The following GAD1 variants were observed in gnomAD, a reference collection of about 807,000 sequenced individuals.
GAD1 encodes the protein glutamate decarboxylase 1.
In GAD1, 35 loss-of-function variants were observed where a neutral mutation model predicts 75.2. The ratio of observed to expected loss-of-function variants is 0.47; its 90% CI spans 0.36 to 0.62. GAD1 has a LOEUF of 0.62. Ranked by LOEUF, GAD1 falls within the 20% of genes least tolerant of loss-of-function variation. The probability of loss-of-function intolerance (pLI) is 0.00; values close to 1 mark genes in which losing one functional copy is unlikely to be tolerated. For synonymous variants in GAD1, 257 were observed against 271.9 expected (o/e 0.95, Z 0.54); for missense variants, 490 against 758.5 (o/e 0.65, Z 4.16).
intron 12 of GAD1, chr2:170,852,390 A>G: frequency 2.6e-6 from 1 of 391,714 alleles, no homozygotes; most frequent in South Asian, 2.4e-5. Flanking sequence ...TAGGACTCAG[A>G]CTTAAACAGT....
chr2:170,847,672 G>GT lies in GAD1; in HGVS notation c.1003-3dup. The stretch of plus-strand genomic sequence containing the variant: ...CATCAGCCTATATCTGTCTTACCTT[G>GT]TAGGGATATGTTCCCTTTTATGTCA... On this transcript the variant is annotated splice_region_variant and splice_polypyrimidine_tract_variant and intron_variant, in intron 10 of 16. Transcript: ENST00000358196. The GT allele has an allele frequency of 6.3e-7, 1 of 1,590,832 alleles. No individual in the cohort carries two copies. Among genetic ancestry groups the GT allele is most frequent in the Non-Finnish European group, 8.6e-7 (1 of 1,158,702 alleles).
Position 170,830,893 on chromosome 2 carries a change from C to A in GAD1, c.305-57C>A, listed in dbSNP as rs45624739. On this transcript the variant is annotated intron_variant, in intron 4 of 16. Coordinates refer to ENST00000358196, the MANE Select transcript of GAD1 (RefSeq NM_000817.3). ...ATGGTTAATATTAGGGGTCTCTGGGCTGAAGAAATCTAGATATGAGTCAGG... is the reference window on the plus strand; with the variant it reads ...ATGGTTAATATTAGGGGTCTCTGGGATGAAGAAATCTAGATATGAGTCAGG... The A allele has an allele frequency of 3.6e-5, 58 of 1,611,626 alleles. 1 individual carries two copies. The South Asian group carries it at 5.8e-4, about 16-fold the overall frequency.
intron 10 of GAD1, 118 bp from the exon 11 acceptor site, chr2:170,847,558 A>G (rs1702659836): frequency 2.6e-6 from 2 of 784,090 alleles, no homozygotes; most frequent in Admixed American, 3.4e-5. Context: ...ATCTGGTAAT[A>G]CATAAGTTTT....
chr2:170,849,201 T>G, intron 11 of GAD1, 85 bp from the exon 12 acceptor site: 1 of 1,165,172 alleles, frequency 8.6e-7, no homozygotes, highest in Non-Finnish European at 1.3e-6. Context: ...TTCTTGCTCA[T>G]GTTTTAGTAG....
intron 3 of GAD1, among the ~76,000 whole-genome samples, chr2:170,828,074 CTCTGCTGTCCTCACCCCTCCTCCT>C (rs1462270959): frequency 3.3e-4 from 10 of 30,482 alleles, no homozygotes; most frequent in Non-Finnish European, 6.2e-4. Flanking sequence ...GCTGTCCTCC[CTCTGCTGTCCTCACCCCTCCTCCT>C]TCTGCTGTCC....
At chr2:170,841,266 C>T (rs954709189) in intron 6 of GAD1, among the ~76,000 whole-genome samples, 1 of 152,168 alleles carries the variant, frequency 6.6e-6, no homozygotes, top group African/African-American at 2.4e-5. Context: ...TTTAGGAAAA[C>T]AGTACCCAAC....
At chr2:170,859,506 A>C (rs1394770170) in intron 16 of GAD1, among the ~76,000 whole-genome samples, 1 of 152,176 alleles carries the variant, frequency 6.6e-6, no homozygotes, top group African/African-American at 2.4e-5. Context: ...GACTTTCAAA[A>C]TTCGGTTGCA....
At chr2:170,857,585 G>GA (rs1174425161) in intron 15 of GAD1, among the ~76,000 whole-genome samples, 4 of 151,926 alleles carry the variant, frequency 2.6e-5, no homozygotes, top group Non-Finnish European at 5.9e-5. Flanking sequence ...GTCTCTATAA[G>GA]AAAAAATATA....
chr2:170,834,000 C>CAAA (rs780406848), intron 5 of GAD1, among the ~76,000 whole-genome samples: 1 of 137,584 alleles, frequency 7.3e-6, no homozygotes, highest in African/African-American at 2.7e-5. Context: ...GACCCTGTTT[C>CAAA]AAAAAAAAAA....
rs575631860 is a variant in GAD1, at chr2:170,831,857, A to T, written c.547+665A>T. On this transcript the variant is annotated intron_variant, in intron 5 of 16. Coordinates refer to ENST00000358196, the MANE Select transcript of GAD1 (RefSeq NM_000817.3). ...AAATGAGCTGGGCATGGTGGCGTGC[A>T]CCTGTAGTCCCAGCTACTCAGGAGG... 3.1e-3 allele frequency among the ~76,000 whole-genome samples: 460 copies of T among 149,642 alleles called. 2 individuals carry two copies. Among genetic ancestry groups the T allele is most frequent in the Non-Finnish European group, 5.6e-3 (382 of 67,628 alleles).
chr2:170,831,158 C>T lies in GAD1; in HGVS notation c.513C>T (p.Asp171=), dbSNP rs756957527. 1.2e-6 allele frequency: 2 copies of T among 1,614,196 alleles called. No homozygotes were observed. Among genetic ancestry groups the T allele is most frequent in the South Asian group, 2.2e-5 (2 of 91,088 alleles). The change falls in exon 5 of 17, where the codon GAC becomes GAT. Residue 171 remains aspartate, a synonymous_variant. Transcript: ENST00000358196. ...AGTCCCTGGAGCAGATCCTGGTTGA[C>T]TGCAGAGACACCTTGAAGTATGGGG... The part of the protein sequence containing the change: ...HPESLEQILV[D]CRDTLKYGVR...
intron 11 of GAD1, among the ~76,000 whole-genome samples, chr2:170,848,355 G>C (rs1702678032): frequency 6.6e-6 from 1 of 151,980 alleles, no homozygotes; most frequent in African/African-American, 2.4e-5. Flanking sequence ...AAAATTAGCT[G>C]GGTGTGGTGG....
In GAD1 at chr2:170,857,456, G is replaced by T. The variant is rs45438791; in HGVS notation, c.1521+331G>T. ...TTGTGTTGAACCTTTATGAAAAAGT[G>T]TTTTTCAGGCTGGGCATGGTGGCTC... On this transcript the variant is annotated intron_variant, in intron 15 of 16. Coordinates refer to ENST00000358196, the MANE Select transcript of GAD1 (RefSeq NM_000817.3). 8.4e-3 allele frequency among the ~76,000 whole-genome samples: 1,272 copies of T among 152,122 alleles called. 5 individuals are homozygous for T. The highest frequency in any genetic ancestry group is 0.013 in the Non-Finnish European group (906 of 67,986).
At chr2:170,823,465 A>C (rs899149878) in intron 3 of GAD1, among the ~76,000 whole-genome samples, 1 of 152,168 alleles carries the variant, frequency 6.6e-6, no homozygotes, top group Non-Finnish European at 1.5e-5. Context: ...AGGGAGGAAC[A>C]GGCGCTCCAT....
intron 6 of GAD1, 160 bp from the exon 7 acceptor site, chr2:170,843,885 C>G (rs1472474317): frequency 1.1e-5 from 7 of 629,256 alleles, no homozygotes; most frequent in African/African-American, 3.7e-5. Context: ...ATTTTATGAT[C>G]GGCGACTTAA....
At chr2:170,833,864 G>A (rs762793090) in intron 5 of GAD1, among the ~76,000 whole-genome samples, 1 of 152,154 alleles carries the variant, frequency 6.6e-6, no homozygotes, top group African/African-American at 2.4e-5. Context: ...GCTGAGCGTG[G>A]TAGTGTGCAC....
chr2:170,814,299 TGG>T (rs768728693), upstream of GAD1, among the ~76,000 whole-genome samples: 1 of 152,120 alleles, frequency 6.6e-6, no homozygotes, highest in Non-Finnish European at 1.5e-5. Context: ...TCTGGTGGGT[TGG>T]CCCATAGCTA....
In GAD1 at chr2:170,822,165, C is replaced by T; in HGVS notation, c.145+16C>T. ...AAGATCTGCGGTAAGTGACAGGACC[C>T]ACTGGGGCCCGGCTGGGTGGCGCGG... On this transcript the variant is annotated intron_variant, in intron 3 of 16. Coordinates refer to ENST00000358196, the MANE Select transcript of GAD1 (RefSeq NM_000817.3). 2 of 1,610,792 alleles carry T rather than the reference C, an allele frequency of 1.2e-6. No individual in the cohort carries two copies. The highest frequency in any genetic ancestry group is 8.5e-7 in the Non-Finnish European group (1 of 1,178,542).
intron 7 of GAD1, 85 bp downstream of exon 7, chr2:170,844,242 C>A: frequency 1.2e-6 from 1 of 813,138 alleles, no homozygotes; most frequent in Non-Finnish European, 2.1e-6. Flanking sequence ...AGAATAATGC[C>A]TTAACATTTT....
Sources: gnomAD v4.1 joint callset for allele counts (sites outside exome capture counted in the v4.1 genomes callset) on GRCh38, gnomAD v4.1.1 for gene constraint, MANE v1.5 for transcripts, NCBI Gene and HGNC (gene_info 2026-07-23, HGNC 2026-07-21) for gene names.